OSBPL6: variants seen among roughly 807,000 people sequenced by gnomAD.
The protein encoded by OSBPL6 is oxysterol binding protein like 6.
Under a neutral mutation model 125.8 loss-of-function variants are expected in OSBPL6, and 49 were observed. The ratio of observed to expected loss-of-function variants is 0.39; its 90% CI spans 0.31 to 0.49. The LOEUF is 0.49. Among genes scored for constraint, OSBPL6 ranks in the 20% least tolerant of loss-of-function variants. The pLI is 0.88. For missense variants in OSBPL6, 986 were observed against 1,135.4 expected (o/e 0.87, Z 1.89); for synonymous variants, 394 against 391.8 (o/e 1.01, Z -0.07).
intron 9 of OSBPL6, among the ~76,000 whole-genome samples, chr2:178,336,663 C>G (rs1425141036): frequency 1.3e-5 from 2 of 152,184 alleles, no homozygotes; most frequent in East Asian, 3.9e-4. Flanking sequence ...GCAGTTGAAT[C>G]TGGTTCTTGC....
chr2:178,272,046 G>A (rs1371821882), intron 1 of OSBPL6, among the ~76,000 whole-genome samples: 1 of 152,210 alleles, frequency 6.6e-6, no homozygotes, highest in Non-Finnish European at 1.5e-5. Flanking sequence ...TACGTAACAG[G>A]TTTTGAACTG....
intron 1 of OSBPL6, among the ~76,000 whole-genome samples, chr2:178,200,417 A>C (rs1289699352): frequency 6.6e-6 from 1 of 151,678 alleles, no homozygotes; most frequent in Non-Finnish European, 1.5e-5. Context: ...ATGCCTGGCT[A>C]ATTTTTATAT....
rs1197355257 is a variant in OSBPL6 at position 178,401,676 on chromosome 2, T to C, written c.*6117T>C. 6.6e-6 allele frequency: 1 copy of C among 152,202 alleles called. No homozygotes were observed. Among genetic ancestry groups the C allele is most frequent in the Non-Finnish European group, 1.5e-5 (1 of 68,048 alleles). The allele number at this position is 152,202 out of a possible 1,614,324, so 9.4% of individuals were successfully genotyped here. Reference sequence around the variant, plus strand: ...GATCTTGCTTCTTGGGGGCATATGGTTGGATCCCAGGTGGGCCACGAAAAT... The same window carrying C: ...GATCTTGCTTCTTGGGGGCATATGGCTGGATCCCAGGTGGGCCACGAAAAT... On this transcript the variant is annotated 3_prime_UTR_variant, in exon 25 of 25. Coordinates refer to ENST00000190611, the MANE Select transcript of OSBPL6 (RefSeq NM_032523.4).
At chr2:178,206,385 C>T (rs114872496) in intron 1 of OSBPL6, among the ~76,000 whole-genome samples, 36 of 152,284 alleles carry the variant, frequency 2.4e-4, no homozygotes, top group African/African-American at 8.4e-4. Flanking sequence ...TCATCTTCCT[C>T]TCTATACAGT....
intron 13 of OSBPL6, among the ~76,000 whole-genome samples, chr2:178,368,928 C>T (rs1693118659): frequency 6.6e-6 from 1 of 151,894 alleles, no homozygotes; most frequent in African/African-American, 2.4e-5. Context: ...TCCTGAGTAG[C>T]TGGGACTATG....
chr2:178,356,314 G>A (rs1004309170), intron 12 of OSBPL6, among the ~76,000 whole-genome samples: 13 of 152,152 alleles, frequency 8.5e-5, no homozygotes, highest in African/African-American at 3.1e-4. Context: ...GTTTGCAGAT[G>A]ACATGATTGT....
intron 23 of OSBPL6, among the ~76,000 whole-genome samples, chr2:178,393,285 A>G (rs1313520345): frequency 1.3e-5 from 2 of 152,176 alleles, no homozygotes; most frequent in African/African-American, 4.8e-5. Context: ...CAAGTCTGCA[A>G]TTTGCCCAAT....
At position 178,223,029 on chromosome 2, in the gene OSBPL6, G is replaced by A. The variant is rs147868490; in HGVS notation, c.-351+28355G>A. 2.7e-3 allele frequency among the ~76,000 whole-genome samples: 407 copies of A among 152,202 alleles called. 1 individual carries two copies. The highest frequency in any genetic ancestry group is 8.7e-3 in the African/African-American group (362 of 41,532). On this transcript the variant is annotated intron_variant, in intron 1 of 24. Transcript: ENST00000190611. ...CTGCAGAGATTTGGTGGACACATAC[G>A]TTGTGTCCTATTTTTTTGTTGTTGC...
chr2:178,386,471 T>C (rs6736304), intron 19 of OSBPL6, among the ~76,000 whole-genome samples: 7,648 of 152,278 alleles, frequency 0.05, 290 homozygotes, highest in East Asian at 0.14. Flanking sequence ...TTTTATAAAT[T>C]TTATTTTATC....
chr2:178,237,142 T>G (rs1046526650), intron 1 of OSBPL6, among the ~76,000 whole-genome samples: 2 of 152,210 alleles, frequency 1.3e-5, no homozygotes, highest in African/African-American at 4.8e-5. Flanking sequence ...CCCCTGCTGC[T>G]GGGCCCTCAC....
intron 8 of OSBPL6, among the ~76,000 whole-genome samples, chr2:178,335,786 C>T (rs1243206010): frequency 2.6e-5 from 4 of 152,076 alleles, no homozygotes; most frequent in Admixed American, 1.3e-4. Flanking sequence ...TAATGGAAAG[C>T]TATAGATAAT....
intron 13 of OSBPL6, among the ~76,000 whole-genome samples, chr2:178,371,601 C>T (rs1439791858): frequency 6.6e-6 from 1 of 151,976 alleles, no homozygotes; most frequent in Non-Finnish European, 1.5e-5. Context: ...ATTATGTGCT[C>T]CTGGAAAATG....
At chr2:178,337,660 T>G (rs1001686834) in intron 9 of OSBPL6, among the ~76,000 whole-genome samples, 11 of 152,200 alleles carry the variant, frequency 7.2e-5, no homozygotes, top group Non-Finnish European at 1.5e-4. Context: ...CTATCACCAT[T>G]TGACAGATAA....
chr2:178,333,522 T>C (rs1416302060), intron 8 of OSBPL6, among the ~76,000 whole-genome samples: 6 of 152,218 alleles, frequency 3.9e-5, no homozygotes, highest in African/African-American at 1.4e-4. Context: ...GGCATGAAAG[T>C]TAATTGCAAG....
intron 1 of OSBPL6, among the ~76,000 whole-genome samples, chr2:178,253,776 G>A (rs2154006058): frequency 6.6e-6 from 1 of 152,322 alleles, no homozygotes; most frequent in Admixed American, 6.5e-5. Context: ...ACTGGACACT[G>A]CTAGGGATTG....
chr2:178,215,891 A>T (rs1393544144), intron 1 of OSBPL6, among the ~76,000 whole-genome samples: 1 of 151,716 alleles, frequency 6.6e-6, no homozygotes, highest in Non-Finnish European at 1.5e-5. Flanking sequence ...GTTGCTATGT[A>T]TTGTGCATCT....
rs116471660 is a variant in OSBPL6, at chr2:178,294,847, G to A, written c.-156+9726G>A. The stretch of plus-strand genomic sequence containing the variant: ...ACGGCTGAATTGAGCTAATTAACAT[G>A]TGCATTACCTCACCATTAGCTTTTT... On this transcript the variant is annotated intron_variant, in intron 2 of 24. Transcript: ENST00000190611. 8.2e-3 allele frequency among the ~76,000 whole-genome samples: 1,197 copies of A among 146,428 alleles called. 20 individuals carry two copies. Among genetic ancestry groups the A allele is most frequent in the African/African-American group, 0.029 (1,149 of 39,594 alleles).
intron 2 of OSBPL6, among the ~76,000 whole-genome samples, chr2:178,285,879 A>G (rs1191103017): frequency 6.6e-6 from 1 of 152,190 alleles, no homozygotes; most frequent in African/African-American, 2.4e-5. Flanking sequence ...TGGTGGTGGT[A>G]GTGGTGATGA....
intron 9 of OSBPL6, among the ~76,000 whole-genome samples, chr2:178,337,141 AT>A (rs1397027267): frequency 6.6e-6 from 1 of 152,196 alleles, no homozygotes; most frequent in African/African-American, 2.4e-5. Context: ...GACAGTTTTC[AT>A]TTGACCTTCA....
Sources: allele counts gnomAD v4.1 joint callset (sites outside exome capture counted in the v4.1 genomes callset), GRCh38; gene constraint gnomAD v4.1.1; transcripts MANE v1.5; gene names NCBI Gene and HGNC (gene_info 2026-07-23, HGNC 2026-07-21).